The following MYOM3 variants were observed in gnomAD, a reference collection of about 807,000 sequenced individuals.
MYOM3 encodes myomesin 3.
In MYOM3, 155 loss-of-function variants were observed where a neutral mutation model predicts 191.7. The ratio of observed to expected loss-of-function variants is 0.81; its 90% confidence interval spans 0.71 to 0.92. MYOM3 has a LOEUF of 0.92. Among genes scored for constraint, MYOM3 ranks in the 40% least tolerant of loss-of-function variants. The probability of loss-of-function intolerance (pLI) is 0.00; values close to 1 mark genes in which losing one functional copy is unlikely to be tolerated. For missense variants in MYOM3, 1,889 were observed against 1,890.6 expected (o/e 1.00, Z 0.02); for synonymous variants, 757 against 762.9 (o/e 0.99, Z 0.13).
Position 24,057,274 on chromosome 1 carries a change from C to T in MYOM3, c.*90G>A. On this transcript the variant is annotated 3_prime_UTR_variant, in exon 37 of 37. Transcript: ENST00000374434. Reference sequence around the variant, plus strand: ...TTGTCCCCTTTCCTTCTGCCCCACCCCTGTAGCCTGTGCCAGGCTGTGACC... The same window carrying T: ...TTGTCCCCTTTCCTTCTGCCCCACCTCTGTAGCCTGTGCCAGGCTGTGACC... 2 of 1,374,418 alleles carry T rather than the reference C, an allele frequency of 1.5e-6. No individual in the cohort carries two copies. Among genetic ancestry groups the T allele is most frequent in the African/African-American group, 2.8e-5 (2 of 70,616 alleles). 85.1% of individuals were successfully genotyped at this position (1,374,418 alleles called of 1,614,324 possible). A position where few individuals can be genotyped will look rare whatever the true frequency, so the allele number is the denominator to read the frequency against.
intron 11 of MYOM3, 68 bp from the exon 12 acceptor site, chr1:24,091,064 C>T: frequency 6.5e-7 from 1 of 1,546,174 alleles, no homozygotes; most frequent in Admixed American, 1.7e-5. Context: ...TGAGCCTCTA[C>T]AAGGGCCTTT....
intron 27 of MYOM3, among the ~76,000 whole-genome samples, chr1:24,067,732 G>A (rs1327698582): frequency 6.6e-6 from 1 of 152,126 alleles, no homozygotes; most frequent in Non-Finnish European, 1.5e-5. Context: ...AAAGTGCTAG[G>A]ATTACAGGTG....
At chr1:24,058,730 T>C (rs369887502) in intron 36 of MYOM3, among the ~76,000 whole-genome samples, 194 bp downstream of exon 36, 7 of 152,176 alleles carry the variant, frequency 4.6e-5, no homozygotes, top group East Asian at 3.8e-4. Flanking sequence ...GAGATAGAAC[T>C]AGGTCAAGTA....
intron 6 of MYOM3, 54 bp from the exon 7 acceptor site, chr1:24,098,065 A>G (rs1034947872): frequency 8.6e-7 from 1 of 1,158,420 alleles, no homozygotes; most frequent in Non-Finnish European, 1.3e-6. Flanking sequence ...TCCATGGGAA[A>G]CACAAGTCCC....
rs902331835 is a variant in MYOM3 at position 24,080,323 on chromosome 1, C to T, written c.2408-129G>A. On this transcript the variant is annotated intron_variant, in intron 19 of 36. Transcript: ENST00000374434. ...TCAGTCACAGTCAAGCCAGGAAGGGCCTGTTCTGGGTGTCGCCAAGCCCGG... is the reference window on the plus strand; with the variant it reads ...TCAGTCACAGTCAAGCCAGGAAGGGTCTGTTCTGGGTGTCGCCAAGCCCGG... The T allele has an allele frequency of 2.3e-5, 17 of 740,326 alleles. No homozygotes were observed. In the South Asian group the frequency reaches 3.2e-4, roughly 14 times the overall value. 45.9% of individuals were successfully genotyped at this position (740,326 alleles called of 1,614,324 possible).
rs1643312598 is a variant in MYOM3, at chr1:24,057,225, C to T, written c.*139G>A. Reference sequence around the variant, plus strand: ...CACTTTGGTGCATCCGCTCCACCCCCACCCTCACATCCTGGGTTCTATCTT... The same window carrying T: ...CACTTTGGTGCATCCGCTCCACCCCTACCCTCACATCCTGGGTTCTATCTT... On this transcript the variant is annotated 3_prime_UTR_variant, in exon 37 of 37. Coordinates refer to ENST00000374434, the MANE Select transcript of MYOM3 (RefSeq NM_152372.4). 1.2e-6 allele frequency: 1 copy of T among 852,712 alleles called. No individual in the cohort carries two copies. Among genetic ancestry groups the T allele is most frequent in the Non-Finnish European group, 1.8e-6 (1 of 563,244 alleles). 52.8% of individuals were successfully genotyped at this position (852,712 alleles called of 1,614,324 possible).
chr1:24,066,136 C>CTTT lies in MYOM3; in HGVS notation c.3424-136_3424-135insAAA. On this transcript the variant is annotated intron_variant, in intron 28 of 36. Transcript: ENST00000374434. ...TGTCTCCTCTGCTGGCCTCTGGACT[C>CTTT]TGAATTCTTGCTAATGGTTTTCCCT... 3 of 738,082 alleles carry CTTT rather than the reference C, an allele frequency of 4.1e-6. 1 individual carries two copies. In the South Asian group the frequency reaches 4.3e-5, roughly 11 times the overall value. The allele number at this position is 738,082 out of a possible 1,614,324, so 45.7% of individuals were successfully genotyped here. A position where few individuals can be genotyped will look rare whatever the true frequency, so the allele number is the denominator to read the frequency against.
chr1:24,079,366 A>AT (rs56358148), intron 20 of MYOM3, among the ~76,000 whole-genome samples: 140 of 144,724 alleles, frequency 9.7e-4, no homozygotes, highest in African/African-American at 1.6e-3. Context: ...ACACCTGGCT[A>AT]TTTTTTTTTT....
At chr1:24,061,372 G>T in intron 33 of MYOM3, 63 bp from the exon 34 acceptor site, 1 of 1,526,504 alleles carries the variant, frequency 6.6e-7, no homozygotes, top group Non-Finnish European at 9.0e-7. Context: ...GATGGGGACA[G>T]GGTGACCCTG....
chr1:24,098,062 G>C, intron 6 of MYOM3, 51 bp from the exon 7 acceptor site: 1 of 1,177,030 alleles, frequency 8.5e-7, no homozygotes, highest in Non-Finnish European at 1.3e-6. Flanking sequence ...GGCTCCATGG[G>C]AAACACAAGT....
rs1245242218 is a variant in MYOM3, at chr1:24,111,767, C to T, written c.-19+264G>A. ...CTTTTTTTTTTTTTTGCAACTTTCA[C>T]ATCACAGACAGCTCAGCTCTCAGAA... On this transcript the variant is annotated intron_variant, in intron 1 of 36. Coordinates refer to ENST00000374434, the MANE Select transcript of MYOM3 (RefSeq NM_152372.4). The surrounding 1 kb of genome is among the most constrained non-coding windows in gnomAD (Gnocchi z 4.7). Among the ~76,000 whole-genome samples, 1 of 150,840 alleles carries T rather than the reference C, an allele frequency of 6.6e-6. No individual in the cohort carries two copies. The highest frequency in any genetic ancestry group is 2.4e-5 in the African/African-American group (1 of 40,932).
chr1:24,082,484 G>A (rs918316847), intron 17 of MYOM3, 109 bp downstream of exon 17: 30 of 1,383,546 alleles, frequency 2.2e-5, no homozygotes, highest in South Asian at 1.5e-4. Context: ...CTCAGAGGGC[G>A]TATGTGCCAC....
At chr1:24,065,676 G>T in intron 29 of MYOM3, 1 of 604,898 alleles carries the variant, frequency 1.7e-6, no homozygotes, top group Non-Finnish European at 2.9e-6. Flanking sequence ...GGCTTTAATA[G>T]TTTTTTTGCA....
rs781062312 is a variant in MYOM3, at chr1:24,106,066, C to T, written c.414G>A (p.Lys138=). Residue 138 remains lysine (K), a synonymous_variant, in exon 5 of 37, where the codon AAG becomes AAA. Transcript: ENST00000374434. ...WKTLRRRTEE[K]VQEAKELREL... ...CCCTCAGCTCCTTGGCCTCCTGGAC[C>T]TTCTCCTCTGTCTGGAGGCGGGAAG... 1.2e-6 allele frequency: 2 copies of T among 1,611,762 alleles called. No individual in the cohort carries two copies.
At chr1:24,089,389 C>T (rs543095067) in intron 14 of MYOM3, 149 bp downstream of exon 14, 3 of 1,015,262 alleles carry the variant, frequency 3.0e-6, no homozygotes, top group South Asian at 2.5e-5. Context: ...AATCCATCCC[C>T]TTGCCTCTGT....
chr1:24,100,764 G>T (rs951110614), intron 5 of MYOM3, among the ~76,000 whole-genome samples: 1 of 152,054 alleles, frequency 6.6e-6, no homozygotes, highest in African/African-American at 2.4e-5. Flanking sequence ...GCGGGCGCCT[G>T]TAGTCCCAGC....
At chr1:24,082,917 A>G in intron 16 of MYOM3, 1 of 504,590 alleles carries the variant, frequency 2.0e-6, no homozygotes, top group Non-Finnish European at 3.2e-6. Context: ...AAGAGTTTTA[A>G]AGGATGTTTG....
chr1:24,107,619 A>ACGC (rs1643995940), intron 3 of MYOM3, among the ~76,000 whole-genome samples: 1 of 152,002 alleles, frequency 6.6e-6, no homozygotes, highest in African/African-American at 2.4e-5. Context: ...CTGCCTCTCC[A>ACGC]CGCCGGCACA....
chr1:24,093,573 T>C (rs1382207276), intron 9 of MYOM3, among the ~76,000 whole-genome samples: 1 of 149,938 alleles, frequency 6.7e-6, no homozygotes, highest in Non-Finnish European at 1.5e-5. Flanking sequence ...AGGGGTCAGG[T>C]AAGGGAGTGA....
Sources: allele counts gnomAD v4.1 joint callset (sites outside exome capture counted in the v4.1 genomes callset), GRCh38; gene constraint gnomAD v4.1.1; non-coding constraint Gnocchi (gnomAD v3.1); transcripts MANE v1.5; gene names NCBI Gene and HGNC (gene_info 2026-07-23, HGNC 2026-07-21).